ARHGAP25: variants seen among roughly 807,000 people sequenced by gnomAD.
The protein encoded by ARHGAP25 is rho GTPase-activating protein 25.
ARHGAP25 carries 34 observed loss-of-function variants against 71.0 expected under a neutral mutation model. The observed-to-expected ratio is 0.48, with a 90% confidence interval of 0.36 to 0.64. ARHGAP25 has a LOEUF of 0.64. ARHGAP25 is among the 30% of genes least tolerant of loss of function. The probability of loss-of-function intolerance (pLI) is 0.00; values close to 1 mark genes in which losing one functional copy is unlikely to be tolerated. For missense variants in ARHGAP25, 706 were observed against 805.1 expected, an observed-to-expected ratio of 0.88 and a Z score of 1.49; for synonymous variants, 282 against 296.5, an observed-to-expected ratio of 0.95 and a Z score of 0.50.
At chr2:68,809,405 A>C (rs1259123861) in intron 5 of ARHGAP25, among the ~76,000 whole-genome samples, 4 of 152,188 alleles carry the variant, frequency 2.6e-5, no homozygotes, top group Non-Finnish European at 5.9e-5. Flanking sequence ...AGGTCAACAA[A>C]ACTGGCAAAT....
chr2:68,769,348 A>G (rs1677333590), intron 1 of ARHGAP25, among the ~76,000 whole-genome samples: 1 of 152,172 alleles, frequency 6.6e-6, no homozygotes, highest in Admixed American at 6.5e-5. Context: ...GGACCTGTCC[A>G]CTTACCCTTA....
intron 4 of ARHGAP25, among the ~76,000 whole-genome samples, chr2:68,805,295 G>A (rs1680282370): frequency 6.6e-6 from 1 of 152,114 alleles, no homozygotes; most frequent in South Asian, 2.1e-4. Context: ...AGGAATGCCA[G>A]CCTTGATTCT....
intron 1 of ARHGAP25, among the ~76,000 whole-genome samples, chr2:68,754,649 A>T (rs1676374161): frequency 6.6e-6 from 1 of 152,222 alleles, no homozygotes; most frequent in Admixed American, 6.5e-5. Flanking sequence ...ACTTTATAAG[A>T]AGCTACCAAA....
chr2:68,751,732 A>G (rs1030146988), intron 1 of ARHGAP25, among the ~76,000 whole-genome samples: 2 of 152,234 alleles, frequency 1.3e-5, no homozygotes, highest in Admixed American at 6.5e-5. Context: ...CCATTGCTTT[A>G]TGTTTCCAAG....
chr2:68,825,547 C>T (rs1446231181), intron 10 of ARHGAP25, among the ~76,000 whole-genome samples: 2 of 151,926 alleles, frequency 1.3e-5, no homozygotes, highest in African/African-American at 2.4e-5. Flanking sequence ...AGGCGGATCA[C>T]GAGGTCAGGA....
At chr2:68,768,772 G>A (rs942382633) in intron 1 of ARHGAP25, among the ~76,000 whole-genome samples, 5 of 152,182 alleles carry the variant, frequency 3.3e-5, no homozygotes, top group African/African-American at 7.2e-5. Context: ...CAAAACTCTC[G>A]GGAAGCTTGA....
rs747654803 is a variant in ARHGAP25, at chr2:68,819,166, C to T, written c.1047C>T (p.Asp349=). 1.3e-6 allele frequency: 2 copies of T among 1,596,822 alleles called. No homozygotes were observed. The highest frequency in any genetic ancestry group is 1.7e-5 in the Admixed American group (1 of 57,782). The change falls in exon 9 of 11, where the codon GAC becomes GAT. Residue 349 remains aspartate, a synonymous_variant. Coordinates refer to ENST00000409202, the MANE Select transcript of ARHGAP25 (RefSeq NM_001007231.3). ...GAGTGATGACTATGATGATCAGAGA[C>T]CATGAAGTCCTCTTCCCCAAGTCCA... The part of the protein sequence containing the change: ...IQRVMTMMIR[D]HEVLFPKSKD...
At position 68,822,320 on chromosome 2, in the gene ARHGAP25, C is replaced by A; in HGVS notation, c.1201-20C>A. 6.2e-7 allele frequency: 1 copy of A among 1,603,802 alleles called. No homozygotes were observed. Among genetic ancestry groups the A allele is most frequent in the Admixed American group, 1.7e-5 (1 of 58,990 alleles). ...AGAGGTGAAAACCCCATGTGACATC[C>A]ATGGCCATTTCTTTTCTAGACAAGC... On this transcript the variant is annotated intron_variant, in intron 9 of 10. Transcript: ENST00000409202.
intron 1 of ARHGAP25, chr2:68,774,820 C>T (rs1677750734): frequency 8.9e-7 from 1 of 1,122,876 alleles, no homozygotes; most frequent in Non-Finnish European, 1.1e-6. Context: ...CAGAGTGAGG[C>T]ATTATTTTCT....
chr2:68,763,072 A>C (rs1374929857), intron 1 of ARHGAP25, among the ~76,000 whole-genome samples: 1 of 152,226 alleles, frequency 6.6e-6, no homozygotes, highest in Non-Finnish European at 1.5e-5. Context: ...TAAATAATAA[A>C]ATTTTATGAA....
intron 4 of ARHGAP25, among the ~76,000 whole-genome samples, chr2:68,804,006 G>A (rs1680188215): frequency 6.6e-6 from 1 of 152,184 alleles, no homozygotes; most frequent in Non-Finnish European, 1.5e-5. Flanking sequence ...GCAAAGGGTA[G>A]TAGGAAGCAG....
intron 6 of ARHGAP25, among the ~76,000 whole-genome samples, chr2:68,813,630 G>A (rs1194045459): frequency 6.6e-6 from 1 of 152,160 alleles, no homozygotes; most frequent in Non-Finnish European, 1.5e-5. Context: ...TAAAGAATTG[G>A]ACCATAATCA....
chr2:68,807,508 C>G (rs1680459596), intron 5 of ARHGAP25, 28 bp downstream of exon 5: 4 of 1,606,596 alleles, frequency 2.5e-6, no homozygotes, highest in Admixed American at 1.7e-5. Context: ...AGTGTCCCAC[C>G]TCTGCCCTCC....
At chr2:68,721,367 A>C (rs901105640) in intron 2 of ARHGAP25, among the ~76,000 whole-genome samples, 1 of 152,188 alleles carries the variant, frequency 6.6e-6, no homozygotes, top group Non-Finnish European at 1.5e-5. Flanking sequence ...TTCTGACCTG[A>C]CCTGTAAGCA....
At chr2:68,748,754 T>G (rs186116288) in intron 1 of ARHGAP25, among the ~76,000 whole-genome samples, 3 of 152,190 alleles carry the variant, frequency 2.0e-5, no homozygotes, top group African/African-American at 7.2e-5. Context: ...TGGAACAGCA[T>G]GTGGGTGACT....
chr2:68,746,710 T>C (rs13010123), intron 1 of ARHGAP25, among the ~76,000 whole-genome samples: 103,222 of 146,378 alleles, frequency 0.71, 36,174 homozygotes, highest in South Asian at 0.76. Flanking sequence ...ACCACCCCCC[T>C]CCCCATCCCC....
intron 5 of ARHGAP25, among the ~76,000 whole-genome samples, chr2:68,807,759 G>T (rs1163533471): frequency 1.3e-5 from 2 of 152,162 alleles, no homozygotes; most frequent in Non-Finnish European, 2.9e-5. Flanking sequence ...AGGAGAAGGT[G>T]ATGTGCAGAG....
chr2:68,717,849 T>A (rs1674651837), intron 2 of ARHGAP25, among the ~76,000 whole-genome samples: 1 of 152,204 alleles, frequency 6.6e-6, no homozygotes. Flanking sequence ...TTTGCCAATA[T>A]AAATTTATTC....
intron 3 of ARHGAP25, among the ~76,000 whole-genome samples, chr2:68,784,953 C>G (rs1431764379): frequency 6.6e-6 from 1 of 152,128 alleles, no homozygotes; most frequent in African/African-American, 2.4e-5. Flanking sequence ...AGAAGGTGAC[C>G]TTTGGGCACA....
Sources: gnomAD v4.1 joint callset for allele counts (sites outside exome capture counted in the v4.1 genomes callset) on GRCh38, gnomAD v4.1.1 for gene constraint, MANE v1.5 for transcripts, NCBI Gene and HGNC (gene_info 2026-07-23, HGNC 2026-07-21) for gene names.